The following PPM1H variants were observed in gnomAD, a reference collection of about 807,000 sequenced individuals.
The protein encoded by PPM1H is protein phosphatase 1H.
Under a neutral mutation model 54.9 loss-of-function variants are expected in PPM1H, and 27 were observed. That is an observed-to-expected ratio of 0.49 (90% CI 0.36 to 0.68). The LOEUF (loss-of-function observed/expected upper bound fraction) is 0.68. PPM1H is among the 30% of genes least tolerant of loss of function. The pLI, the probability that PPM1H is intolerant of heterozygous loss-of-function variation, is 0.00. For missense variants in PPM1H, 596 were observed against 667.8 expected, an observed-to-expected ratio of 0.89 and a Z score of 1.19; for synonymous variants, 305 against 270.8, an observed-to-expected ratio of 1.13 and a Z score of -1.24.
At chr12:62,793,803 G>T (rs916007159) in intron 3 of PPM1H, among the ~76,000 whole-genome samples, 8 of 150,484 alleles carry the variant, frequency 5.3e-5, no homozygotes, top group Non-Finnish European at 7.4e-5. Context: ...AATTCAGCAG[G>T]AAAGAAGTGC....
intron 1 of PPM1H, among the ~76,000 whole-genome samples, chr12:62,889,424 G>A (rs903665622): frequency 1.3e-5 from 2 of 152,146 alleles, no homozygotes; most frequent in Non-Finnish European, 2.9e-5. Flanking sequence ...TCACAAGGCT[G>A]AGGCGAGAGA....
chr12:62,758,362 C>A (rs576443961), intron 4 of PPM1H, among the ~76,000 whole-genome samples: 8 of 152,306 alleles, frequency 5.3e-5, no homozygotes, highest in African/African-American at 1.9e-4. Context: ...TTCATCTATG[C>A]CTATAGCGTT....
intron 1 of PPM1H, among the ~76,000 whole-genome samples, chr12:62,885,405 T>G (rs1466743998): frequency 6.6e-6 from 1 of 152,180 alleles, no homozygotes; most frequent in Admixed American, 6.5e-5. Flanking sequence ...GCTTCTTGTC[T>G]CTCATAAGGG....
intron 1 of PPM1H, among the ~76,000 whole-genome samples, chr12:62,907,197 T>C (rs1050502859): frequency 1.3e-5 from 2 of 152,224 alleles, no homozygotes; most frequent in African/African-American, 2.4e-5. Context: ...ACATGCAATC[T>C]AAATGCTCAC....
chr12:62,892,141 T>G (rs1376780803), intron 1 of PPM1H, among the ~76,000 whole-genome samples: 1 of 152,220 alleles, frequency 6.6e-6, no homozygotes, highest in Non-Finnish European at 1.5e-5. Flanking sequence ...TAAAGCACAC[T>G]GAGTTTTTAT....
chr12:62,649,305 G>A (rs960983363), intron 9 of PPM1H, among the ~76,000 whole-genome samples: 4 of 151,552 alleles, frequency 2.6e-5, no homozygotes, highest in African/African-American at 9.7e-5. Flanking sequence ...CTTGACCAAT[G>A]TAAGTTCAGC....
chr12:62,862,138 A>G (rs1219660967), intron 1 of PPM1H, among the ~76,000 whole-genome samples: 2 of 152,198 alleles, frequency 1.3e-5, no homozygotes, highest in South Asian at 2.1e-4. Flanking sequence ...GAGAGCAAAG[A>G]TCATGACAGA....
At chr12:62,786,826 G>A (rs1284865146) in intron 4 of PPM1H, among the ~76,000 whole-genome samples, 1 of 152,168 alleles carries the variant, frequency 6.6e-6, no homozygotes, top group African/African-American at 2.4e-5. Flanking sequence ...ACAAGGAAAC[G>A]TAAATATATA....
chr12:62,736,475 G>A (rs1198718012), intron 5 of PPM1H, among the ~76,000 whole-genome samples: 1 of 152,196 alleles, frequency 6.6e-6, no homozygotes, highest in African/African-American at 2.4e-5. Context: ...TTGAAGTACT[G>A]TTTTTACAGT....
At chr12:62,771,539 T>C (rs190933481) in intron 4 of PPM1H, among the ~76,000 whole-genome samples, 21 of 146,812 alleles carry the variant, frequency 1.4e-4, no homozygotes, top group Non-Finnish European at 2.9e-4. Context: ...CAAAAGTTCA[T>C]GTAGCCCTTT....
chr12:62,828,086 C>T (rs1247613936), intron 2 of PPM1H, among the ~76,000 whole-genome samples: 3 of 152,072 alleles, frequency 2.0e-5, no homozygotes, highest in Non-Finnish European at 4.4e-5. Context: ...GTTTTCTTGC[C>T]CTAAGCCCTG....
intron 1 of PPM1H, among the ~76,000 whole-genome samples, chr12:62,913,492 CGCTTTCCTTTCCA>C (rs1202761736): frequency 2.0e-5 from 3 of 152,144 alleles, no homozygotes; most frequent in African/African-American, 7.2e-5. Flanking sequence ...CACCCACACT[CGCTTTCCTTTCCA>C]GCTCTCCACT....
intron 2 of PPM1H, among the ~76,000 whole-genome samples, chr12:62,825,891 AAT>A (rs1868285739): frequency 6.6e-6 from 1 of 152,158 alleles, no homozygotes; most frequent in African/African-American, 2.4e-5. Context: ...ATAAAAAAAA[AAT>A]AATAAAATGC....
In PPM1H at chr12:62,921,567, A is replaced by G. The variant is rs192344783; in HGVS notation, c.245+12925T>C. 4.9e-3 allele frequency among the ~76,000 whole-genome samples: 752 copies of G among 152,334 alleles called. 5 individuals are homozygous for G. The highest frequency in any genetic ancestry group is 8.4e-3 in the Non-Finnish European group (570 of 68,034). ...CCAAAGACAAAGGTATAAATGCTAC[A>G]CTGAATGCTGTCACACTTTTTGGCC... is the stretch of plus-strand genomic sequence containing the variant. On this transcript the variant is annotated intron_variant, in intron 1 of 9. Coordinates refer to ENST00000228705, the MANE Select transcript of PPM1H (RefSeq NM_020700.2).
intron 7 of PPM1H, among the ~76,000 whole-genome samples, chr12:62,693,369 T>A (rs1220518693): frequency 6.6e-6 from 1 of 152,192 alleles, no homozygotes; most frequent in Non-Finnish European, 1.5e-5. Flanking sequence ...GACCTTATAG[T>A]CTAATTACAG....
chr12:62,814,625 T>C (rs530511897), intron 2 of PPM1H, among the ~76,000 whole-genome samples: 1 of 152,340 alleles, frequency 6.6e-6, no homozygotes, highest in South Asian at 2.1e-4. Context: ...CTTAGCTTAT[T>C]TAATATTATT....
chr12:62,891,726 T>A (rs897908029), intron 1 of PPM1H, among the ~76,000 whole-genome samples: 14 of 152,202 alleles, frequency 9.2e-5, no homozygotes, highest in African/African-American at 3.4e-4. Flanking sequence ...TGCCACAAGG[T>A]TAGCAGTTGT....
At position 62,770,346 on chromosome 12, in the gene PPM1H, T is replaced by C. The variant is rs80338374; in HGVS notation, c.869+17880A>G. 5.4e-3 allele frequency among the ~76,000 whole-genome samples: 823 copies of C among 152,202 alleles called. 9 individuals carry two copies. Among genetic ancestry groups the C allele is most frequent in the African/African-American group, 0.019 (774 of 41,524 alleles). On this transcript the variant is annotated intron_variant, in intron 4 of 9. Transcript: ENST00000228705. ...CCTGATAAGGAAGGCACAGAGAGGT[T>C]AGGCATTTTGTTCAAGGTCCCACAG... is the stretch of plus-strand genomic sequence containing the variant.
intron 4 of PPM1H, among the ~76,000 whole-genome samples, chr12:62,742,885 A>G (rs1246793333): frequency 6.6e-6 from 1 of 152,168 alleles, no homozygotes; most frequent in African/African-American, 2.4e-5. Flanking sequence ...ATATTATCCA[A>G]TATTAAGGTT....
Sources: gnomAD v4.1 joint callset for allele counts (sites outside exome capture counted in the v4.1 genomes callset) on GRCh38, gnomAD v4.1.1 for gene constraint, MANE v1.5 for transcripts, NCBI Gene and HGNC (gene_info 2026-07-23, HGNC 2026-07-21) for gene names.